The following PDE4D variants were observed in gnomAD, a reference collection of about 807,000 sequenced individuals.
The protein encoded by PDE4D is 3',5'-cyclic-AMP phosphodiesterase 4D.
A neutral mutation model predicts 87.4 loss-of-function variants in PDE4D; 24 were observed. The ratio of observed to expected loss-of-function variants is 0.27; its 90% CI spans 0.20 to 0.39. The LOEUF (loss-of-function observed/expected upper bound fraction) is 0.39. Among genes scored for constraint, PDE4D ranks in the 10% least tolerant of loss-of-function variants. The pLI is 1.00. For synonymous variants in PDE4D, 384 were observed against 383.2 expected (o/e 1.00, Z -0.02); for missense variants, 714 against 1,041.0 (o/e 0.69, Z 4.32).
At chr5:59,483,212 GGCT>G (rs1208428084) in intron 1 of PDE4D, among the ~76,000 whole-genome samples, 3 of 152,112 alleles carry the variant, frequency 2.0e-5, no homozygotes, top group Non-Finnish European at 4.4e-5. Flanking sequence ...CCAGCTTATT[GGCT>G]GCAGATCTTG....
intron 2 of PDE4D, among the ~76,000 whole-genome samples, chr5:60,052,799 C>G (rs903870889): frequency 6.6e-6 from 1 of 152,200 alleles, no homozygotes; most frequent in Admixed American, 6.5e-5. Context: ...CCCATTGTCT[C>G]AGGCCCAAAT....
Position 59,649,295 on chromosome 5 carries a change from T to G in PDE4D, c.455+243873A>C, listed in dbSNP as rs550377339. On this transcript the variant is annotated intron_variant, in intron 1 of 14. Transcript: ENST00000340635. ...AGATATGAGGAAGAGAATAAAACTC[T>G]TCAAGGCAACAGCATGATATAAATC... is the stretch of plus-strand genomic sequence containing the variant. 4.0e-4 allele frequency among the ~76,000 whole-genome samples: 61 copies of G among 152,314 alleles called. No homozygotes were observed. The South Asian group carries it at 0.012, about 29-fold the overall frequency.
chr5:60,504,710 T>C (rs1420667033), intron 1 of PDE4D, among the ~76,000 whole-genome samples: 1 of 152,230 alleles, frequency 6.6e-6, no homozygotes, highest in African/African-American at 2.4e-5. Context: ...TTTTAAAATG[T>C]ATTTGACATT....
At chr5:59,192,404 A>C (rs1744535361) in intron 3 of PDE4D, among the ~76,000 whole-genome samples, 1 of 152,176 alleles carries the variant, frequency 6.6e-6, no homozygotes, top group South Asian at 2.1e-4. Flanking sequence ...ACTGTTATTT[A>C]ACAGAGGAAG....
At chr5:60,111,712 C>A (rs533079132) in intron 2 of PDE4D, among the ~76,000 whole-genome samples, 2 of 151,754 alleles carry the variant, frequency 1.3e-5, no homozygotes, top group African/African-American at 4.8e-5. Flanking sequence ...TATTCAGTCA[C>A]ACAGGAATGT....
intron 5 of PDE4D, among the ~76,000 whole-genome samples, chr5:59,073,927 A>C (rs1438175605): frequency 6.6e-6 from 1 of 152,200 alleles, no homozygotes; most frequent in Non-Finnish European, 1.5e-5. Flanking sequence ...TGAGATCAAA[A>C]ACTACTGTGC....
At chr5:60,110,958 T>C (rs983715540) in intron 2 of PDE4D, among the ~76,000 whole-genome samples, 3 of 151,956 alleles carry the variant, frequency 2.0e-5, no homozygotes, top group Admixed American at 2.0e-4. Flanking sequence ...AATAAAAAAT[T>C]CAGCTCATGG....
intron 1 of PDE4D, among the ~76,000 whole-genome samples, chr5:60,275,705 GTTC>G (rs1751291241): frequency 6.6e-6 from 1 of 151,450 alleles, no homozygotes; most frequent in Non-Finnish European, 1.5e-5. Context: ...TTTTTTCTAG[GTTC>G]TTGAGGTAAA....
At chr5:59,444,825 A>G (rs1798124742) in intron 1 of PDE4D, among the ~76,000 whole-genome samples, 1 of 152,156 alleles carries the variant, frequency 6.6e-6, no homozygotes, top group Non-Finnish European at 1.5e-5. Flanking sequence ...CAAACAAACA[A>G]ACAAACAAAA....
chr5:60,507,313 G>A (rs1448228980), intron 1 of PDE4D, among the ~76,000 whole-genome samples: 3 of 152,120 alleles, frequency 2.0e-5, no homozygotes, highest in East Asian at 3.8e-4. Flanking sequence ...GACCTCAGGC[G>A]ATCCACCTGC....
At chr5:59,418,428 A>G (rs1793960593) in intron 1 of PDE4D, among the ~76,000 whole-genome samples, 1 of 152,206 alleles carries the variant, frequency 6.6e-6, no homozygotes, top group African/African-American at 2.4e-5. Flanking sequence ...AATGCCCTTC[A>G]TCTTCAACTC....
intron 3 of PDE4D, among the ~76,000 whole-genome samples, chr5:59,936,799 T>C (rs1396032779): frequency 1.3e-5 from 2 of 152,348 alleles, no homozygotes; most frequent in East Asian, 1.9e-4. Flanking sequence ...AAGACACTCA[T>C]GGCATATATT....
intron 1 of PDE4D, among the ~76,000 whole-genome samples, chr5:59,563,232 G>A (rs771974340): frequency 7.2e-5 from 11 of 152,204 alleles, no homozygotes; most frequent in Non-Finnish European, 1.6e-4. Context: ...ACCACACAAA[G>A]TGCTTAGCTG....
At position 59,599,024 on chromosome 5, in the gene PDE4D, T is replaced by A. The variant is rs561308776; in HGVS notation, c.455+294144A>T. ...GGATCCATTTGCTGGAGCAGAGGTG[T>A]TTTAAAGATCAGAAGCATATTTGCT... On this transcript the variant is annotated intron_variant, in intron 1 of 14. Transcript: ENST00000340635. Among the ~76,000 whole-genome samples, 92 of 152,226 alleles carry A rather than the reference T, an allele frequency of 6.0e-4. 1 individual carries two copies. In the South Asian group the frequency reaches 0.018, roughly 30 times the overall value.
intron 1 of PDE4D, among the ~76,000 whole-genome samples, chr5:59,288,690 A>G (rs1004863209): frequency 2.6e-5 from 4 of 152,110 alleles, no homozygotes; most frequent in Non-Finnish European, 5.9e-5. Flanking sequence ...ATAAGAAAGA[A>G]TCTGAAAAGC....
At chr5:60,454,599 T>C (rs1239189061) in intron 1 of PDE4D, among the ~76,000 whole-genome samples, 1 of 151,900 alleles carries the variant, frequency 6.6e-6, no homozygotes, top group African/African-American at 2.4e-5. Flanking sequence ...AGCTAAACAA[T>C]GAGAACACAT....
intron 1 of PDE4D, among the ~76,000 whole-genome samples, chr5:59,691,045 G>T (rs1182714763): frequency 6.6e-6 from 1 of 152,160 alleles, no homozygotes; most frequent in East Asian, 1.9e-4. Context: ...CAGTTAAAAT[G>T]GCAATCATTA....
At chr5:59,408,643 G>C (rs189112365) in intron 1 of PDE4D, among the ~76,000 whole-genome samples, 22 of 152,222 alleles carry the variant, frequency 1.4e-4, no homozygotes, top group Admixed American at 2.0e-4. Flanking sequence ...CAACCCATGA[G>C]AGCAGTCATG....
intron 5 of PDE4D, chr5:59,091,167 A>G (rs1045041938): frequency 1.6e-5 from 7 of 451,520 alleles, no homozygotes; most frequent in South Asian, 4.7e-5. Context: ...AGTGTTTTTT[A>G]TTAGAACGTG....
Sources: allele counts gnomAD v4.1 joint callset (sites outside exome capture counted in the v4.1 genomes callset), GRCh38; gene constraint gnomAD v4.1.1; transcripts MANE v1.5; gene names NCBI Gene and HGNC (gene_info 2026-07-23, HGNC 2026-07-21).